The following SNX1 variants were observed in gnomAD, a reference collection of about 807,000 sequenced individuals.
SNX1 encodes sorting nexin-1.
A neutral mutation model predicts 71.8 loss-of-function variants in SNX1; 36 were observed. The observed-to-expected ratio is 0.50, with a 90% CI of 0.38 to 0.66. SNX1 has a LOEUF of 0.66. SNX1 is among the 30% of genes least tolerant of loss of function. SNX1 has a pLI of 0.00. For synonymous variants in SNX1, 254 were observed against 240.7 expected (o/e 1.06, Z -0.51); for missense variants, 612 against 646.7 (o/e 0.95, Z 0.58).
chr15:64,135,024 G>A (rs2081343823), intron 12 of SNX1: 1 of 564,030 alleles, frequency 1.8e-6, no homozygotes, highest in Non-Finnish European at 3.0e-6. Flanking sequence ...TGTCAAATCA[G>A]AATCTCTGGC....
Position 64,127,256 on chromosome 15 carries a change from AG to A in SNX1, c.731+5del. On this transcript the variant is annotated splice_donor_5th_base_variant and intron_variant, in intron 7 of 14. Transcript: ENST00000559844. ...AACGGAGGGCCGCTTTAGAAAGGTAAGTGCCATGCAGCCATTTTCCTGAATA... is the reference window on the plus strand; with the variant it reads ...AACGGAGGGCCGCTTTAGAAAGGTAATGCCATGCAGCCATTTTCCTGAATA... 6.2e-7 allele frequency: 1 copy of A among 1,607,556 alleles called. No individual in the cohort carries two copies.
intron 4 of SNX1, among the ~76,000 whole-genome samples, chr15:64,120,846 GA>G (rs952682163): frequency 3.3e-5 from 5 of 151,760 alleles, no homozygotes; most frequent in Non-Finnish European, 7.4e-5. Context: ...GTCTCAAAAA[GA>G]AAAAAAATTT....
In SNX1 at chr15:64,138,215, G is replaced by A. The variant is rs894151191; in HGVS notation, c.*597G>A. 6.4e-5 allele frequency: 96 copies of A among 1,504,958 alleles called. No homozygotes were observed. The African/African-American group carries it at 6.5e-4, about 10-fold the overall frequency. The allele number at this position is 1,504,958 out of a possible 1,614,324, so 93.2% of individuals were successfully genotyped here. On this transcript the variant is annotated 3_prime_UTR_variant, in exon 15 of 15. Coordinates refer to ENST00000559844, the MANE Select transcript of SNX1 (RefSeq NM_003099.5). ...TGTTCTGAGGGTCTCAATCTGTTTC[G>A]TATTCCCACTTCTTTAGGGAAGGAG...
intron 1 of SNX1, among the ~76,000 whole-genome samples, chr15:64,103,413 T>G (rs1050877201): frequency 1.3e-5 from 2 of 152,222 alleles, no homozygotes; most frequent in African/African-American, 4.8e-5. Flanking sequence ...ATTGCTGGGT[T>G]TGGATTGCTA....
At position 64,138,111 on chromosome 15, in the gene SNX1, T is replaced by C. The variant is rs1206893548; in HGVS notation, c.*493T>C. 6 of 1,535,882 alleles carry C rather than the reference T, an allele frequency of 3.9e-6. No individual in the cohort carries two copies. The South Asian group carries it at 7.1e-5, about 18-fold the overall frequency. On this transcript the variant is annotated 3_prime_UTR_variant, in exon 15 of 15. Transcript: ENST00000559844. The stretch of plus-strand genomic sequence containing the variant: ...GAAGTTGCCCAGGTATAGTAAGTTT[T>C]TCTCTACCGTTCACAAGTTTTGTGC...
chr15:64,128,498 G>A (rs1374388458), intron 8 of SNX1, among the ~76,000 whole-genome samples: 1 of 152,190 alleles, frequency 6.6e-6, no homozygotes, highest in Non-Finnish European at 1.5e-5. Flanking sequence ...AAGGAAGTAA[G>A]TGACTGGGTA....
intron 10 of SNX1, among the ~76,000 whole-genome samples, chr15:64,130,792 G>T (rs538513415): frequency 2.3e-4 from 35 of 152,306 alleles, no homozygotes; most frequent in African/African-American, 8.2e-4. Flanking sequence ...CTGATAATTA[G>T]AAATTGAAAC....
chr15:64,138,994 T>G lies in SNX1; in HGVS notation c.*1376T>G, dbSNP rs989175615. On this transcript the variant is annotated 3_prime_UTR_variant, in exon 15 of 15. Coordinates refer to ENST00000559844, the MANE Select transcript of SNX1 (RefSeq NM_003099.5). ...AAACGCAGTAAACATTCTGATTCCCTGTACACAGATGCAGCACCAGGGGAA... is the reference window on the plus strand; with the variant it reads ...AAACGCAGTAAACATTCTGATTCCCGGTACACAGATGCAGCACCAGGGGAA... 8 of 152,224 alleles carry G rather than the reference T, an allele frequency of 5.3e-5. No individual in the cohort carries two copies. The highest frequency in any genetic ancestry group is 1.9e-4 in the African/African-American group (8 of 41,460). The allele number at this position is 152,224 out of a possible 1,614,324, so 9.4% of individuals were successfully genotyped here.
At chr15:64,102,427 A>G (rs1366636539) in intron 1 of SNX1, among the ~76,000 whole-genome samples, 1 of 152,200 alleles carries the variant, frequency 6.6e-6, no homozygotes, top group African/African-American at 2.4e-5. Context: ...TTTGGAACAT[A>G]CGATAAATTA....
intron 1 of SNX1, among the ~76,000 whole-genome samples, chr15:64,110,361 T>A (rs2081066510): frequency 6.6e-6 from 1 of 152,172 alleles, no homozygotes; most frequent in South Asian, 2.1e-4. Flanking sequence ...GTTATCTAGC[T>A]TACTAAGGGA....
intron 6 of SNX1, among the ~76,000 whole-genome samples, chr15:64,126,752 G>T (rs1189545423): frequency 6.6e-6 from 1 of 152,046 alleles, no homozygotes; most frequent in Admixed American, 6.6e-5. Flanking sequence ...GCTAATTTTT[G>T]TATTTTTAGT....
intron 11 of SNX1, 111 bp downstream of exon 11, chr15:64,132,003 C>T (rs1412496028): frequency 9.4e-7 from 1 of 1,064,494 alleles, no homozygotes; most frequent in Non-Finnish European, 1.4e-6. Context: ...ATAGGTGTCA[C>T]TTTTTCTACT....
At chr15:64,114,389 A>G (rs945257358) in intron 2 of SNX1, among the ~76,000 whole-genome samples, 1 of 152,260 alleles carries the variant, frequency 6.6e-6, no homozygotes. Context: ...GACAAAGTCA[A>G]AAGGTTTCAA....
intron 10 of SNX1, 86 bp downstream of exon 10, chr15:64,130,407 T>C (rs967405239): frequency 2.8e-6 from 3 of 1,086,198 alleles, no homozygotes; most frequent in Non-Finnish European, 4.2e-6. Flanking sequence ...GTTCCAATCC[T>C]CTCAGCCATC....
chr15:64,126,371 G>C (rs1463382988), intron 6 of SNX1, 151 bp downstream of exon 6: 2 of 889,726 alleles, frequency 2.2e-6, no homozygotes, highest in East Asian at 5.4e-5. Context: ...TGGAGGTCTA[G>C]AGAAAAATAG....
chr15:64,124,249 G>A (rs1189868137), intron 5 of SNX1, among the ~76,000 whole-genome samples: 1 of 149,562 alleles, frequency 6.7e-6, no homozygotes, highest in Non-Finnish European at 1.5e-5. Context: ...GCTCACGCCT[G>A]TAATTCCAGC....
At chr15:64,099,975 G>C (rs565072097) in intron 1 of SNX1, among the ~76,000 whole-genome samples, 2 of 152,198 alleles carry the variant, frequency 1.3e-5, no homozygotes, top group African/African-American at 2.4e-5. Context: ...GTATCCCAAA[G>C]TGCTGGGATT....
In SNX1 at chr15:64,112,669, C is replaced by A. The variant is rs1478386739; in HGVS notation, c.256C>A (p.Gln86Lys). 2 of 1,611,100 alleles carry A rather than the reference C, an allele frequency of 1.2e-6. No homozygotes were observed. The highest frequency in any genetic ancestry group is 1.3e-5 in the African/African-American group (1 of 74,674). Reference sequence around the variant, plus strand: ...CCATGAAGAACAAGACCAAGAGCCACAGGATCTCTTTGCAGGCAAGTTTGG... The same window carrying A: ...CCATGAAGAACAAGACCAAGAGCCAAAGGATCTCTTTGCAGGCAAGTTTGG... ...GIHEEQDQEPQDLFADATVEL... is the reference protein window; with the variant it reads ...GIHEEQDQEPKDLFADATVEL... Residue 86 changes from glutamine to lysine, a missense_variant, in exon 2 of 15, where the codon CAG becomes AAG. By Grantham distance (53) the Gln-to-Lys change is moderately conservative. Coordinates refer to ENST00000559844, the MANE Select transcript of SNX1 (RefSeq NM_003099.5).
chr15:64,133,281 A>T (rs1380869907), intron 11 of SNX1, among the ~76,000 whole-genome samples: 3 of 152,246 alleles, frequency 2.0e-5, no homozygotes, highest in Admixed American at 1.3e-4. Flanking sequence ...ACTAACTCAG[A>T]TAAGAGGTTG....
Sources: gnomAD v4.1 joint callset for allele counts (sites outside exome capture counted in the v4.1 genomes callset) on GRCh38, gnomAD v4.1.1 for gene constraint, MANE v1.5 for transcripts, NCBI Gene and HGNC (gene_info 2026-07-23, HGNC 2026-07-21) for gene names.